Variants in CBLL1 observed in about 807,000 individuals in gnomAD.
The protein encoded by CBLL1 is E3 ubiquitin-protein ligase Hakai.
CBLL1 carries 4 observed loss-of-function variants against 44.9 expected under a neutral mutation model. That is an observed-to-expected ratio of 0.09 (90% confidence interval 0.04 to 0.20). The LOEUF (loss-of-function observed/expected upper bound fraction) is 0.20, where lower values mean the gene tolerates loss of function less well. CBLL1 is among the 10% of genes least tolerant of loss of function. The probability of loss-of-function intolerance (pLI) is 1.00; values close to 1 mark genes in which losing one functional copy is unlikely to be tolerated. For synonymous variants in CBLL1, 235 were observed against 202.2 expected (o/e 1.16, Z -1.38); for missense variants, 569 against 636.7 (o/e 0.89, Z 1.14).
rs1205435205 is a variant in CBLL1 at position 107,758,831 on chromosome 7, A to G, written c.1129A>G (p.Met377Val). 5 of 1,613,718 alleles carry G rather than the reference A, an allele frequency of 3.1e-6. No individual in the cohort carries two copies. Among genetic ancestry groups the G allele is most frequent in the South Asian group, 1.1e-5 (1 of 91,042 alleles). ...LVYSQAPPPP[M>V]TSAPPPITPP... ...ATATAGCCAAGCTCCACCTCCACCAATGACCTCTGCTCCACCACCAATAAC... is the reference window on the plus strand; with the variant it reads ...ATATAGCCAAGCTCCACCTCCACCAGTGACCTCTGCTCCACCACCAATAAC... Residue 377 changes from methionine (M) to valine (V), a missense_variant, in exon 6 of 6, where the codon ATG becomes GTG. By Grantham distance (21) the Met-to-Val change is conservative. Around this residue, in one of 5 missense-constraint regions of CBLL1, gnomAD observed 228 missense variants for 253.2 expected, o/e 0.90. Transcript: ENST00000440859. The surrounding 1 kb of genome is among the most constrained non-coding windows in gnomAD (Gnocchi z 4.2).
chr7:107,758,300 G>C lies in CBLL1; in HGVS notation c.598G>C (p.Ala200Pro). The C allele has an allele frequency of 6.2e-7, 1 of 1,614,040 alleles. No homozygotes were observed. Among genetic ancestry groups the C allele is most frequent in the African/African-American group, 1.3e-5 (1 of 74,982 alleles). Residue 200 changes from alanine to proline, a missense_variant, in exon 6 of 6, where the codon GCT (alanine) becomes CCT (proline). Transcript: ENST00000440859. This position sits in a 1 kb window ranked among gnomAD's most constrained non-coding sequence, Gnocchi z 4.2. ...HMRAGKPVTRASLENVHPPIA... is the reference protein window; with the variant it reads ...HMRAGKPVTRPSLENVHPPIA... The stretch of plus-strand genomic sequence containing the variant: ...GAGAGCTGGAAAACCTGTTACCCGT[G>C]CTTCACTTGAAAATGTTCATCCTCC...
At chr7:107,746,810 C>G (rs935049965) in intron 1 of CBLL1, among the ~76,000 whole-genome samples, 1 of 152,322 alleles carries the variant, frequency 6.6e-6, no homozygotes, top group African/African-American at 2.4e-5. Context: ...CCCATTAACA[C>G]TGGATTTATT....
At chr7:107,755,893 C>A (rs750827101) in intron 5 of CBLL1, among the ~76,000 whole-genome samples, 12 of 151,962 alleles carry the variant, frequency 7.9e-5, no homozygotes, top group Non-Finnish European at 1.6e-4. Context: ...TAAAATGAGA[C>A]TGATAATAGT....
In CBLL1 at chr7:107,753,427, TGAA is replaced by T. The variant is rs754348499; in HGVS notation, c.205_207del (p.Glu69del). 8.6e-5 allele frequency: 136 copies of T among 1,575,892 alleles called. 1 individual carries two copies. The highest frequency in any genetic ancestry group is 1.1e-4 in the Non-Finnish European group (126 of 1,167,344). On this transcript the variant is annotated inframe_deletion, in exon 3 of 6. Transcript: ENST00000440859. ...TTTTCTCAGAAGGATTTGATTATAA[TGAA>T]GAAGAACGGTATGACTGTAAAGGGG...
chr7:107,749,016 G>C lies in CBLL1; in HGVS notation c.150G>C (p.Arg50Ser). ...CGCGAACTCAAAGAACTATAAACAGGATGCCTGCAAAGGCTCCACCTGGTG... is the reference window on the plus strand; with the variant it reads ...CGCGAACTCAAAGAACTATAAACAGCATGCCTGCAAAGGCTCCACCTGGTG... ...PAPRTQRTINRMPAKAPPGDE... is the reference protein window; with the variant it reads ...PAPRTQRTINSMPAKAPPGDE... The change falls in exon 2 of 6, where the codon AGG becomes AGC. Residue 50 changes from arginine (R) to serine (S), a missense_variant. Physicochemically the swap from Arg to Ser is moderately radical, Grantham distance 110. Around this residue, in one of 5 missense-constraint regions of CBLL1, gnomAD observed 209 missense variants for 202.8 expected, o/e 1.03. Coordinates refer to ENST00000440859, the MANE Select transcript of CBLL1 (RefSeq NM_024814.4). 1 of 1,614,106 alleles carries C rather than the reference G, an allele frequency of 6.2e-7. No homozygotes were observed. The highest frequency in any genetic ancestry group is 8.5e-7 in the Non-Finnish European group (1 of 1,179,986).
chr7:107,750,724 A>G (rs1320363270), intron 2 of CBLL1, among the ~76,000 whole-genome samples: 2 of 152,182 alleles, frequency 1.3e-5, no homozygotes, highest in Admixed American at 6.5e-5. Context: ...CCTTGATTAC[A>G]GGTTAGCAAA....
chr7:107,757,570 C>T (rs1478465227), intron 5 of CBLL1, among the ~76,000 whole-genome samples: 1 of 152,200 alleles, frequency 6.6e-6, no homozygotes, highest in Non-Finnish European at 1.5e-5. Flanking sequence ...GTAAATTTGT[C>T]TGACAGTTCA....
intron 2 of CBLL1, chr7:107,752,466 C>G (rs1429125701): frequency 1.6e-5 from 8 of 485,804 alleles, no homozygotes; most frequent in East Asian, 1.5e-4. Flanking sequence ...GTGTGTGTGT[C>G]TGTGTCTGTG....
At chr7:107,756,585 T>C (rs558566997) in intron 5 of CBLL1, among the ~76,000 whole-genome samples, 121 of 152,288 alleles carry the variant, frequency 7.9e-4, no homozygotes, top group African/African-American at 2.8e-3. Context: ...TTAAGTTACA[T>C]AGTAAATTTA....
At position 107,759,345 on chromosome 7, in the gene CBLL1, T is replaced by A. The variant is rs1793673868; in HGVS notation, c.*167T>A. 2 of 619,708 alleles carry A rather than the reference T, an allele frequency of 3.2e-6. No homozygotes were observed. Among genetic ancestry groups the A allele is most frequent in the Non-Finnish European group, 5.5e-6 (2 of 360,858 alleles). The allele number at this position is 619,708 out of a possible 1,614,324, so 38.4% of individuals were successfully genotyped here. On this transcript the variant is annotated 3_prime_UTR_variant, in exon 6 of 6. Coordinates refer to ENST00000440859, the MANE Select transcript of CBLL1 (RefSeq NM_024814.4). Reference sequence around the variant, plus strand: ...TTTAAATCTTGACCTTAAGATTGATTTCAAGTACCATACTGTAGTACAGAT... The same window carrying A: ...TTTAAATCTTGACCTTAAGATTGATATCAAGTACCATACTGTAGTACAGAT...
chr7:107,757,256 A>G (rs1351668705), intron 5 of CBLL1, among the ~76,000 whole-genome samples: 5 of 152,210 alleles, frequency 3.3e-5, no homozygotes, highest in Admixed American at 2.0e-4. Context: ...TGATATTAAT[A>G]TTCTTTTAGG....
At chr7:107,755,668 G>A in intron 5 of CBLL1, 177 bp downstream of exon 5, 1 of 359,622 alleles carries the variant, frequency 2.8e-6, no homozygotes, top group South Asian at 1.1e-4. Context: ...ATAGGGCAAG[G>A]TAGCCACTAT....
intron 1 of CBLL1, 48 bp downstream of exon 1, chr7:107,744,224 C>G (rs199725875): frequency 5.3e-6 from 8 of 1,517,672 alleles, no homozygotes; most frequent in Non-Finnish European, 7.1e-6. Context: ...CCCCCTTGGC[C>G]GGCCTGGGGC....
At chr7:107,748,039 A>G (rs566170257) in intron 1 of CBLL1, among the ~76,000 whole-genome samples, 1 of 152,318 alleles carries the variant, frequency 6.6e-6, no homozygotes, top group Non-Finnish European at 1.5e-5. Context: ...ATCTACTTGA[A>G]AAAAGGTAAC....
Position 107,758,507 on chromosome 7 carries a change from A to T in CBLL1, c.805A>T (p.Met269Leu), listed in dbSNP as rs144949923. ...DIRAPPAELSMAPPPPRSVSQ... is the reference protein window; with the variant it reads ...DIRAPPAELSLAPPPPRSVSQ... The stretch of plus-strand genomic sequence containing the variant: ...TCGTGCTCCTCCAGCAGAATTGTCC[A>T]TGGCTCCACCTCCACCTCGATCGGT... The change falls in exon 6 of 6, where the codon ATG becomes TTG. Residue 269 changes from methionine (M) to leucine (L), a missense_variant. Around this residue, in one of 5 missense-constraint regions of CBLL1, gnomAD observed 111 missense variants for 113.0 expected, o/e 0.98. Coordinates refer to ENST00000440859, the MANE Select transcript of CBLL1 (RefSeq NM_024814.4). This position sits in a 1 kb window ranked among gnomAD's most constrained non-coding sequence, Gnocchi z 4.2. 2 of 1,614,036 alleles carry T rather than the reference A, an allele frequency of 1.2e-6. No individual in the cohort carries two copies. The highest frequency in any genetic ancestry group is 1.7e-6 in the Non-Finnish European group (2 of 1,180,034).
intron 3 of CBLL1, 90 bp from the exon 4 acceptor site, chr7:107,753,805 C>T (rs1793413368): frequency 3.8e-6 from 3 of 789,294 alleles, no homozygotes; most frequent in Non-Finnish European, 3.8e-6. Flanking sequence ...ATTGTTTTAA[C>T]AACTTTTATA....
rs568887428 is a variant in CBLL1, at chr7:107,761,576, T to C, written c.*2398T>C. ...AAGCTATGATGGACATAAGTCTAAATTAAATGTATGTATGTTTCATTATAT... is the reference window on the plus strand; with the variant it reads ...AAGCTATGATGGACATAAGTCTAAACTAAATGTATGTATGTTTCATTATAT... On this transcript the variant is annotated 3_prime_UTR_variant, in exon 6 of 6. Transcript: ENST00000440859. 4.3e-4 allele frequency: 65 copies of C among 152,306 alleles called. 1 individual carries two copies. The highest frequency in any genetic ancestry group is 1.5e-3 in the African/African-American group (61 of 41,572). The allele number at this position is 152,306 out of a possible 1,614,324, so 9.4% of individuals were successfully genotyped here. A position where few individuals can be genotyped will look rare whatever the true frequency, so the allele number is the denominator to read the frequency against.
intron 2 of CBLL1, among the ~76,000 whole-genome samples, chr7:107,751,496 A>G (rs1793291288): frequency 6.6e-6 from 1 of 152,184 alleles, no homozygotes; most frequent in Admixed American, 6.5e-5. Context: ...TAGTTACAAC[A>G]TATGTTATGG....
In CBLL1 at chr7:107,760,431, A is replaced by T. The variant is rs1793719771; in HGVS notation, c.*1253A>T. ...AGTGAAGACTACCAGATAATTTTGTATTGGAGAAGAGGAAATAACAGCTAA... is the reference window on the plus strand; with the variant it reads ...AGTGAAGACTACCAGATAATTTTGTTTTGGAGAAGAGGAAATAACAGCTAA... On this transcript the variant is annotated 3_prime_UTR_variant, in exon 6 of 6. Coordinates refer to ENST00000440859, the MANE Select transcript of CBLL1 (RefSeq NM_024814.4). 1 of 152,188 alleles carries T rather than the reference A, an allele frequency of 6.6e-6. No individual in the cohort carries two copies. Among genetic ancestry groups the T allele is most frequent in the Non-Finnish European group, 1.5e-5 (1 of 67,936 alleles). 9.4% of individuals were successfully genotyped at this position (152,188 alleles called of 1,614,324 possible). A position where few individuals can be genotyped will look rare whatever the true frequency, so the allele number is the denominator to read the frequency against.
Sources: allele counts gnomAD v4.1 joint callset (sites outside exome capture counted in the v4.1 genomes callset), GRCh38; gene constraint gnomAD v4.1.1; regional missense constraint gnomAD v4.1.1; non-coding constraint Gnocchi (gnomAD v3.1); transcripts MANE v1.5; gene names NCBI Gene and HGNC (gene_info 2026-07-23, HGNC 2026-07-21).